The following ANKRD52 variants were observed in gnomAD, a reference collection of about 807,000 sequenced individuals.
ANKRD52 encodes serine/threonine-protein phosphatase 6 regulatory ankyrin repeat subunit C.
In ANKRD52, 7 loss-of-function variants were observed where a neutral mutation model predicts 116.0. The ratio of observed to expected loss-of-function variants is 0.06; its 90% CI spans 0.03 to 0.11. The LOEUF is 0.11. ANKRD52 is among the 10% of genes least tolerant of loss of function. The probability of loss-of-function intolerance (pLI) is 1.00; values close to 1 mark genes in which losing one functional copy is unlikely to be tolerated. For missense variants in ANKRD52, 839 were observed against 1,408.6 expected (o/e 0.60, Z 6.47); for synonymous variants, 528 against 578.1 (o/e 0.91, Z 1.24).
Position 56,240,865 on chromosome 12 carries a change from A to G in ANKRD52, c.*2277T>C, listed in dbSNP as rs1377306972. ...TCTAGCAAGACAACGGGGCTCTGAC[A>G]CTCAGACGCTTCCCGCCATCACCAA... On this transcript the variant is annotated 3_prime_UTR_variant, in exon 28 of 28. Transcript: ENST00000267116. This position sits in a 1 kb window ranked among gnomAD's most constrained non-coding sequence, Gnocchi z 4.2. 6.6e-6 allele frequency: 1 copy of G among 152,180 alleles called. No homozygotes were observed. The highest frequency in any genetic ancestry group is 1.5e-5 in the Non-Finnish European group (1 of 68,060). 9.4% of individuals were successfully genotyped at this position (152,180 alleles called of 1,614,324 possible).
intron 18 of ANKRD52, 37 bp downstream of exon 18, chr12:56,247,986 G>T: frequency 6.4e-7 from 1 of 1,550,486 alleles, no homozygotes; most frequent in East Asian, 2.4e-5. Flanking sequence ...GATCTGGCAT[G>T]GCAAGGGTAG....
intron 1 of ANKRD52, 84 bp downstream of exon 1, chr12:56,258,159 A>T (rs1467523256): frequency 3.9e-5 from 61 of 1,551,174 alleles, no homozygotes; most frequent in Non-Finnish European, 5.3e-5. Context: ...GCTCAGGCCC[A>T]GCCTAGGCCG....
Position 56,253,197 on chromosome 12 carries a change from C to G in ANKRD52, c.1100+91G>C. On this transcript the variant is annotated intron_variant, in intron 10 of 27. Coordinates refer to ENST00000267116, the MANE Select transcript of ANKRD52 (RefSeq NM_173595.4). This position sits in a 1 kb window ranked among gnomAD's most constrained non-coding sequence, Gnocchi z 5.5. ...AGGGTAGGAGGTTCTCCAAGGTGCC[C>G]TTTGGCAAGCTTATCTGTGCCTCCA... 6.7e-7 allele frequency: 1 copy of G among 1,482,030 alleles called. No individual in the cohort carries two copies. The highest frequency in any genetic ancestry group is 9.2e-7 in the Non-Finnish European group (1 of 1,081,204). The allele number at this position is 1,482,030 out of a possible 1,614,324, so 91.8% of individuals were successfully genotyped here.
Position 56,237,967 on chromosome 12 carries a change from A to T in ANKRD52, c.*5175T>A. 2.7e-6 allele frequency: 1 copy of T among 373,694 alleles called. No homozygotes were observed. The allele number at this position is 373,694 out of a possible 1,614,324, so 23.1% of individuals were successfully genotyped here. On this transcript the variant is annotated 3_prime_UTR_variant, in exon 28 of 28. Transcript: ENST00000267116. ...GGGCCTGGAGGGTGCAGGGTCATTAATCTGCGGGGAGAACATTGTGCTTTA... is the reference window on the plus strand; with the variant it reads ...GGGCCTGGAGGGTGCAGGGTCATTATTCTGCGGGGAGAACATTGTGCTTTA...
chr12:56,255,160 A>G lies in ANKRD52; in HGVS notation c.463-208T>C. 4.1e-6 allele frequency: 2 copies of G among 493,570 alleles called. No individual in the cohort carries two copies. Among genetic ancestry groups the G allele is most frequent in the East Asian group, 6.2e-5 (2 of 32,222 alleles). 30.6% of individuals were successfully genotyped at this position (493,570 alleles called of 1,614,324 possible). A position where few individuals can be genotyped will look rare whatever the true frequency, so the allele number is the denominator to read the frequency against. On this transcript the variant is annotated intron_variant, in intron 5 of 27. Transcript: ENST00000267116. The surrounding 1 kb of genome is among the most constrained non-coding windows in gnomAD (Gnocchi z 4.3). The stretch of plus-strand genomic sequence containing the variant: ...TTTGGAACTTTAAGGGAAACAAGAG[A>G]GTCTCTTCAGGTGATCTGGTGGTTC...
chr12:56,256,093 GA>G (rs1296564669), intron 4 of ANKRD52, 109 bp from the exon 5 acceptor site: 3 of 1,113,152 alleles, frequency 2.7e-6, no homozygotes, highest in Non-Finnish European at 2.6e-6. Context: ...CCCCAGCACA[GA>G]ATCTCTTCTC....
In ANKRD52 at chr12:56,252,482, A is replaced by T. The variant is rs1592393594; in HGVS notation, c.1370+20T>A. 2 of 1,609,690 alleles carry T rather than the reference A, an allele frequency of 1.2e-6. No homozygotes were observed. Among genetic ancestry groups the T allele is most frequent in the Non-Finnish European group, 1.7e-6 (2 of 1,176,108 alleles). Reference sequence around the variant, plus strand: ...CTCTAATCAGATATTCCCTATGTTTACCCCTGCATATTAGCATACCTGCCA... The same window carrying T: ...CTCTAATCAGATATTCCCTATGTTTTCCCCTGCATATTAGCATACCTGCCA... On this transcript the variant is annotated intron_variant, in intron 13 of 27. Transcript: ENST00000267116. This position sits in a 1 kb window ranked among gnomAD's most constrained non-coding sequence, Gnocchi z 4.7.
Position 56,255,021 on chromosome 12 carries a change from G to T in ANKRD52, c.463-69C>A. ...GCCCTCAACCTACCTAAGAGCAGAGGCCTCATCTCCTGAAAAGGCTGAGGC... is the reference window on the plus strand; with the variant it reads ...GCCCTCAACCTACCTAAGAGCAGAGTCCTCATCTCCTGAAAAGGCTGAGGC... On this transcript the variant is annotated intron_variant, in intron 5 of 27. Transcript: ENST00000267116. This position sits in a 1 kb window ranked among gnomAD's most constrained non-coding sequence, Gnocchi z 4.3. The T allele has an allele frequency of 6.6e-7, 1 of 1,517,666 alleles. No individual in the cohort carries two copies. Among genetic ancestry groups the T allele is most frequent in the Non-Finnish European group, 9.1e-7 (1 of 1,097,890 alleles). 94.0% of individuals were successfully genotyped at this position (1,517,666 alleles called of 1,614,324 possible). A position where few individuals can be genotyped will look rare whatever the true frequency, so the allele number is the denominator to read the frequency against.
rs190559830 is a variant in ANKRD52 at position 56,238,927 on chromosome 12, G to A, written c.*4215C>T. On this transcript the variant is annotated 3_prime_UTR_variant, in exon 28 of 28. Coordinates refer to ENST00000267116, the MANE Select transcript of ANKRD52 (RefSeq NM_173595.4). ...TTGGAGAGGGTGCCCAGAGTGAGAG[G>A]TGGAGAAGGGAGGGAAGGCGGTCCC... The A allele has an allele frequency of 1.3e-5, 2 of 152,510 alleles. No individual in the cohort carries two copies. Among genetic ancestry groups the A allele is most frequent in the Non-Finnish European group, 2.9e-5 (2 of 68,110 alleles). The allele number at this position is 152,510 out of a possible 1,614,324, so 9.4% of individuals were successfully genotyped here.
At position 56,248,736 on chromosome 12, in the gene ANKRD52, G is replaced by A; in HGVS notation, c.1704+23C>T. ...GTGCCCTGCCCCTGCCTCCCCTCCTGCAGGCCGGGCCCCAACACATACCAG... is the reference window on the plus strand; with the variant it reads ...GTGCCCTGCCCCTGCCTCCCCTCCTACAGGCCGGGCCCCAACACATACCAG... On this transcript the variant is annotated intron_variant, in intron 16 of 27. Coordinates refer to ENST00000267116, the MANE Select transcript of ANKRD52 (RefSeq NM_173595.4). The surrounding 1 kb of genome is among the most constrained non-coding windows in gnomAD (Gnocchi z 5.1). The A allele has an allele frequency of 6.3e-7, 1 of 1,581,624 alleles. No homozygotes were observed.
Position 56,253,422 on chromosome 12 carries a change from C to T in ANKRD52, c.986-20G>A, listed in dbSNP as rs1457587704. 2 of 1,593,506 alleles carry T rather than the reference C, an allele frequency of 1.3e-6. No homozygotes were observed. Among genetic ancestry groups the T allele is most frequent in the Non-Finnish European group, 8.6e-7 (1 of 1,162,240 alleles). On this transcript the variant is annotated intron_variant, in intron 9 of 27. Coordinates refer to ENST00000267116, the MANE Select transcript of ANKRD52 (RefSeq NM_173595.4). The surrounding 1 kb of genome is among the most constrained non-coding windows in gnomAD (Gnocchi z 5.5). ...CGCTGCCTGTGAGGGGATGCACACA[C>T]ACAAGCTCAGGCAGACCTCAGGCTT...
chr12:56,252,455 T>G lies in ANKRD52; in HGVS notation c.1370+47A>C. ...AACCCTTCCTCCCTCTACCATTTGT[T>G]TCTCTAATCAGATATTCCCTATGTT... On this transcript the variant is annotated intron_variant, in intron 13 of 27. Transcript: ENST00000267116. The surrounding 1 kb of genome is among the most constrained non-coding windows in gnomAD (Gnocchi z 4.7). 6.2e-7 allele frequency: 1 copy of G among 1,601,176 alleles called. No individual in the cohort carries two copies.
chr12:56,252,603 C>T lies in ANKRD52; in HGVS notation c.1302-33G>A. ...AAAGATGTGTTAAGAGAGTTACAGC[C>T]TCAAAGGGAAGCCACAGGCCCAGGG... On this transcript the variant is annotated intron_variant, in intron 12 of 27. Coordinates refer to ENST00000267116, the MANE Select transcript of ANKRD52 (RefSeq NM_173595.4). The surrounding 1 kb of genome is among the most constrained non-coding windows in gnomAD (Gnocchi z 4.7). 1.2e-6 allele frequency: 2 copies of T among 1,608,396 alleles called. No homozygotes were observed. The highest frequency in any genetic ancestry group is 2.7e-5 in the African/African-American group (2 of 74,960).
rs545352425 is a variant in ANKRD52, at chr12:56,252,073, T to G, written c.1534A>C (p.Ser512Arg). 1.2e-5 allele frequency: 19 copies of G among 1,613,914 alleles called. No individual in the cohort carries two copies. The South Asian group carries it at 2.0e-4, about 17-fold the overall frequency. ...GGCTCGTCCTCTTCGGCATCATGGC[T>G]GGAAGGTGTATGGGGTTCCGCTCTG... ...YRRAEPHTPSSHDAEEDEPLK... is the reference protein window; with the variant it reads ...YRRAEPHTPSRHDAEEDEPLK... Residue 512 changes from serine to arginine, a missense_variant, in exon 15 of 28, where the codon AGC becomes CGC. Transcript: ENST00000267116. This position sits in a 1 kb window ranked among gnomAD's most constrained non-coding sequence, Gnocchi z 4.7.
In ANKRD52 at chr12:56,241,999, C is replaced by T. The variant is rs764736908; in HGVS notation, c.*1143G>A. On this transcript the variant is annotated 3_prime_UTR_variant, in exon 28 of 28. Coordinates refer to ENST00000267116, the MANE Select transcript of ANKRD52 (RefSeq NM_173595.4). Reference sequence around the variant, plus strand: ...CACACTGGAGGGGAAGCCTGGGTCCCGAGTAGCCACGGTCCCTTGTCGGCC... The same window carrying T: ...CACACTGGAGGGGAAGCCTGGGTCCTGAGTAGCCACGGTCCCTTGTCGGCC... 4.4e-4 allele frequency: 177 copies of T among 398,434 alleles called. No homozygotes were observed. The highest frequency in any genetic ancestry group is 7.6e-4 in the South Asian group (6 of 7,862). 24.7% of individuals were successfully genotyped at this position (398,434 alleles called of 1,614,324 possible).
chr12:56,256,837 C>T (rs1280963044), intron 4 of ANKRD52, among the ~76,000 whole-genome samples, 178 bp downstream of exon 4: 1 of 152,178 alleles, frequency 6.6e-6, no homozygotes, highest in Non-Finnish European at 1.5e-5. Context: ...CAGCTGGCAG[C>T]ACTCAACCCC....
intron 4 of ANKRD52, 59 bp from the exon 5 acceptor site, chr12:56,256,043 T>C: frequency 6.7e-7 from 1 of 1,503,008 alleles, no homozygotes; most frequent in Admixed American, 2.0e-5. Context: ...CAACAGGAAA[T>C]GGAAGGAGGA....
rs146280004 is a variant in ANKRD52 at position 56,241,524 on chromosome 12, A to C, written c.*1618T>G. The C allele has an allele frequency of 6.5e-6, 1 of 154,926 alleles. No homozygotes were observed. The highest frequency in any genetic ancestry group is 1.9e-4 in the East Asian group (1 of 5,320). 9.6% of individuals were successfully genotyped at this position (154,926 alleles called of 1,614,324 possible). A position where few individuals can be genotyped will look rare whatever the true frequency, so the allele number is the denominator to read the frequency against. ...AACTTGAGTAGGGGAGGGAGGCTGA[A>C]GGATCCCCCCTCAGGGGAGACCCTG... is the stretch of plus-strand genomic sequence containing the variant. On this transcript the variant is annotated 3_prime_UTR_variant, in exon 28 of 28. Coordinates refer to ENST00000267116, the MANE Select transcript of ANKRD52 (RefSeq NM_173595.4).
In ANKRD52 at chr12:56,253,882, C is replaced by T. The variant is rs186141262; in HGVS notation, c.907-82G>A. The T allele has an allele frequency of 2.2e-3, 3,246 of 1,488,570 alleles. 10 individuals are homozygous for T. The highest frequency in any genetic ancestry group is 2.4e-3 in the Non-Finnish European group (2,549 of 1,073,120). The allele number at this position is 1,488,570 out of a possible 1,614,324, so 92.2% of individuals were successfully genotyped here. On this transcript the variant is annotated intron_variant, in intron 8 of 27. Coordinates refer to ENST00000267116, the MANE Select transcript of ANKRD52 (RefSeq NM_173595.4). The surrounding 1 kb of genome is among the most constrained non-coding windows in gnomAD (Gnocchi z 5.5). ...GAATGCCCTACCTCCCTTCCAAGGA[C>T]ATATCTCTAAGGACAAAAGGGTCAT...
Sources: gnomAD v4.1 joint callset for allele counts (sites outside exome capture counted in the v4.1 genomes callset) on GRCh38, gnomAD v4.1.1 for gene constraint, Gnocchi (gnomAD v3.1) non-coding constraint, MANE v1.5 for transcripts, NCBI Gene and HGNC (gene_info 2026-07-23, HGNC 2026-07-21) for gene names.